FKBP15: variants seen among roughly 807,000 people sequenced by gnomAD.
FKBP15 encodes the protein FK506-binding protein 15.
A neutral mutation model predicts 158.1 loss-of-function variants in FKBP15; 106 were observed. The ratio of observed to expected loss-of-function variants is 0.67; its 90% CI spans 0.57 to 0.79. The LOEUF (loss-of-function observed/expected upper bound fraction) is 0.79. FKBP15 is among the 30% of genes least tolerant of loss of function. The pLI is 0.00. For synonymous variants in FKBP15, 547 were observed against 548.6 expected, an observed-to-expected ratio of 1.00 and a Z score of 0.04; for missense variants, 1,287 against 1,479.1, an observed-to-expected ratio of 0.87 and a Z score of 2.13.
At chr9:113,169,080 G>A (rs1830154273) in intron 26 of FKBP15, 144 bp downstream of exon 26, 24 of 1,155,700 alleles carry the variant, frequency 2.1e-5, no homozygotes, top group Non-Finnish European at 2.6e-5. Flanking sequence ...TACATGGTAG[G>A]TGTTGTTGAA....
Position 113,166,082 on chromosome 9 carries a change from C to A in FKBP15, c.3656G>T (p.Gly1219Val), listed in dbSNP as rs767956533. 5 of 1,613,302 alleles carry A rather than the reference C, an allele frequency of 3.1e-6. No individual in the cohort carries two copies. The South Asian group carries it at 5.5e-5, about 18-fold the overall frequency. Residue 1219 changes from glycine to valine, a missense_variant, in exon 28 of 28, where the codon GGA becomes GTA. Physicochemically the swap from Gly to Val is moderately radical, Grantham distance 109 (BLOSUM62 -3). Coordinates refer to ENST00000238256, the MANE Select transcript of FKBP15 (RefSeq NM_015258.2). ...DDDDDDIDWL[G>V] The stretch of plus-strand genomic sequence containing the variant: ...TTGCACCAGTTTCCTGGGTCTTCAT[C>A]CCAGCCAGTCAATGTCATCGTCATC...
In FKBP15 at chr9:113,178,634, G is replaced by C. The variant is rs772761623; in HGVS notation, c.2082C>G (p.Leu694=). The change falls in exon 20 of 28, where the codon CTC becomes CTG. Residue 694 remains leucine, a synonymous_variant. Coordinates refer to ENST00000238256, the MANE Select transcript of FKBP15 (RefSeq NM_015258.2). ...CATCCCCCACCTAGCACATACCTGAGAGCTTTGCCTGCACTTTGGTGAGCT... is the reference window on the plus strand; with the variant it reads ...CATCCCCCACCTAGCACATACCTGACAGCTTTGCCTGCACTTTGGTGAGCT... ...RGQLTKVQAK[L]SELQETSEQA... 2 of 1,608,418 alleles carry C rather than the reference G, an allele frequency of 1.2e-6. No homozygotes were observed. The highest frequency in any genetic ancestry group is 1.3e-5 in the African/African-American group (1 of 74,816).
At chr9:113,206,425 G>T in intron 4 of FKBP15, 84 bp downstream of exon 4, 1 of 1,009,052 alleles carries the variant, frequency 9.9e-7, no homozygotes, top group Non-Finnish European at 1.6e-6. Context: ...TGATAAACAA[G>T]ACATCGGGCA....
At chr9:113,193,059 A>G (rs1334284561) in intron 11 of FKBP15, among the ~76,000 whole-genome samples, 1 of 152,196 alleles carries the variant, frequency 6.6e-6, no homozygotes, top group East Asian at 1.9e-4. Flanking sequence ...TCCTCACAAA[A>G]ACTGTAAAAA....
chr9:113,190,615 T>C (rs12684417), intron 11 of FKBP15, 37 bp from the exon 12 acceptor site: 478,291 of 1,506,242 alleles, frequency 0.32, 77,671 homozygotes, highest in Middle Eastern at 0.39. Flanking sequence ...TCACTGTGAT[T>C]AAAGCTCATC....
Position 113,161,315 on chromosome 9 carries a change from C to T in FKBP15, c.*4763G>A. 1.7e-6 allele frequency: 1 copy of T among 589,098 alleles called. No homozygotes were observed. Among genetic ancestry groups the T allele is most frequent in the Non-Finnish European group, 2.9e-6 (1 of 339,274 alleles). 36.5% of individuals were successfully genotyped at this position (589,098 alleles called of 1,614,324 possible). A position where few individuals can be genotyped will look rare whatever the true frequency, so the allele number is the denominator to read the frequency against. ...CCCCTGGATTTTTCAGGTGGCTTCTCTTCCTGATCTCAAAGCCACACTCCA... is the reference window on the plus strand; with the variant it reads ...CCCCTGGATTTTTCAGGTGGCTTCTTTTCCTGATCTCAAAGCCACACTCCA... On this transcript the variant is annotated 3_prime_UTR_variant, in exon 28 of 28. Coordinates refer to ENST00000238256, the MANE Select transcript of FKBP15 (RefSeq NM_015258.2).
At chr9:113,181,518 A>C (rs931812136) in intron 19 of FKBP15, among the ~76,000 whole-genome samples, 3 of 152,182 alleles carry the variant, frequency 2.0e-5, no homozygotes, top group Non-Finnish European at 2.9e-5. Context: ...GGATCTTTTT[A>C]AAAGTTCAGA....
rs766795862 is a variant in FKBP15 at position 113,162,929 on chromosome 9, C to A, written c.*3149G>T. On this transcript the variant is annotated 3_prime_UTR_variant, in exon 28 of 28. Transcript: ENST00000238256. ...TCAGCACAGCTTAGCTGGTGAGGAA[C>A]GTGCAGGCACTGAGGCTGGAGGGAC... The A allele has an allele frequency of 2.5e-6, 4 of 1,588,944 alleles. No individual in the cohort carries two copies. Among genetic ancestry groups the A allele is most frequent in the East Asian group, 2.3e-5 (1 of 43,268 alleles).
chr9:113,171,739 A>ACGAACCT lies in FKBP15; in HGVS notation c.2533-34_2533-33insAGGTTCG. Reference sequence around the variant, plus strand: ...ACAAACAGACTGTGGCTGTGGCCTCAGGAACCAGGTGAAGGTCAGAAAACC... The same window carrying ACGAACCT: ...ACAAACAGACTGTGGCTGTGGCCTCACGAACCTGGAACCAGGTGAAGGTCAGAAAACC... On this transcript the variant is annotated intron_variant, in intron 23 of 27. Transcript: ENST00000238256. The ACGAACCT allele has an allele frequency of 2.7e-6, 3 of 1,130,132 alleles. No individual in the cohort carries two copies. The Admixed American group carries it at 1.0e-4, about 39-fold the overall frequency. 70.0% of individuals were successfully genotyped at this position (1,130,132 alleles called of 1,614,324 possible). A position where few individuals can be genotyped will look rare whatever the true frequency, so the allele number is the denominator to read the frequency against.
At chr9:113,187,385 T>G in intron 14 of FKBP15, 1 of 158,580 alleles carries the variant, frequency 6.3e-6, no homozygotes, top group Non-Finnish European at 1.4e-5. Context: ...GATAGCAGAG[T>G]CAAGCTACAT....
rs985748290 is a variant in FKBP15, at chr9:113,190,619, G to C, written c.1066-41C>G. Reference sequence around the variant, plus strand: ...AGTCACAAAAATCACTGTGATTAAAGCTCATCACCTTCAGGCAGCTCTATC... The same window carrying C: ...AGTCACAAAAATCACTGTGATTAAACCTCATCACCTTCAGGCAGCTCTATC... On this transcript the variant is annotated intron_variant, in intron 11 of 27. Transcript: ENST00000238256. 25 of 1,452,882 alleles carry C rather than the reference G, an allele frequency of 1.7e-5. No homozygotes were observed. The African/African-American group carries it at 2.9e-4, about 17-fold the overall frequency. The allele number at this position is 1,452,882 out of a possible 1,614,324, so 90.0% of individuals were successfully genotyped here.
chr9:113,209,006 C>CAAA (rs5900044), intron 2 of FKBP15, among the ~76,000 whole-genome samples: 41 of 98,690 alleles, frequency 4.2e-4, no homozygotes, highest in African/African-American at 1.3e-3. Context: ...GACTCCATCT[C>CAAA]AAAAAAAAAA....
intron 1 of FKBP15, among the ~76,000 whole-genome samples, chr9:113,213,462 G>A (rs1308006679): frequency 2.0e-5 from 3 of 151,660 alleles, no homozygotes; most frequent in African/African-American, 4.8e-5. Context: ...GAGTCCTAGC[G>A]GCTTGAGAGG....
intron 2 of FKBP15, among the ~76,000 whole-genome samples, chr9:113,209,238 A>G (rs1830955434): frequency 6.6e-6 from 1 of 152,108 alleles, no homozygotes; most frequent in Non-Finnish European, 1.5e-5. Context: ...ACCTGTGAAT[A>G]GCCACTACAT....
chr9:113,185,200 C>A (rs1157565262), intron 15 of FKBP15, among the ~76,000 whole-genome samples: 11 of 152,164 alleles, frequency 7.2e-5, no homozygotes, highest in Admixed American at 2.0e-4. Flanking sequence ...CTCAGTCTGG[C>A]TGGGAGACTG....
intron 21 of FKBP15, among the ~76,000 whole-genome samples, chr9:113,176,273 A>C (rs1228619820): frequency 2.6e-5 from 4 of 152,190 alleles, no homozygotes; most frequent in Non-Finnish European, 1.5e-5. Context: ...ACTGTAAAAA[A>C]AGTTGTCAGT....
Position 113,221,207 on chromosome 9 carries a change from G to A in FKBP15, c.37C>T (p.Leu13Phe), listed in dbSNP as rs769214308. 3.2e-5 allele frequency: 52 copies of A among 1,610,166 alleles called. No individual in the cohort carries two copies. The highest frequency in any genetic ancestry group is 4.2e-5 in the Non-Finnish European group (50 of 1,178,140). The change falls in exon 1 of 28, where the codon CTC becomes TTC. Residue 13 changes from leucine (L) to phenylalanine (F), a missense_variant. Leu to Phe is a conservative substitution (Grantham distance 22). Coordinates refer to ENST00000238256, the MANE Select transcript of FKBP15 (RefSeq NM_015258.2). ...GAGDEDDTDF[L>F]SPSGGARLAS... The stretch of plus-strand genomic sequence containing the variant: ...GTCACTCACCCGCCGCTCGGCGAGA[G>A]GAAATCGGTGTCGTCCTCGTCCCCC...
chr9:113,188,832 A>C (rs1173098985), intron 12 of FKBP15, among the ~76,000 whole-genome samples: 2 of 152,212 alleles, frequency 1.3e-5, no homozygotes, highest in Non-Finnish European at 2.9e-5. Flanking sequence ...CCTTAAGACA[A>C]ATCTAATCTA....
intron 10 of FKBP15, among the ~76,000 whole-genome samples, 196 bp downstream of exon 10, chr9:113,193,831 T>A (rs1417671492): frequency 6.6e-6 from 1 of 152,240 alleles, no homozygotes. Context: ...TTCTTCTGAG[T>A]TAGTGCTTTT....
Sources: gnomAD v4.1 joint callset for allele counts (sites outside exome capture counted in the v4.1 genomes callset) on GRCh38, gnomAD v4.1.1 for gene constraint, MANE v1.5 for transcripts, NCBI Gene and HGNC (gene_info 2026-07-23, HGNC 2026-07-21) for gene names.